Variants in DLEU7 observed in about 807,000 individuals in gnomAD.
The protein encoded by DLEU7 is leukemia-associated protein 7.
In DLEU7, 17 loss-of-function variants were observed where a neutral mutation model predicts 16.0. That is an observed-to-expected ratio of 1.06 (90% CI 0.73 to 1.59). The LOEUF (loss-of-function observed/expected upper bound fraction) is 1.59. Ranked by LOEUF, DLEU7 falls within the 40% of genes most tolerant of loss-of-function variation. The probability of loss-of-function intolerance (pLI) is 0.00; values close to 1 mark genes in which losing one functional copy is unlikely to be tolerated. For synonymous variants in DLEU7, 113 were observed against 139.8 expected (o/e 0.81, Z 1.35); for missense variants, 308 against 314.9 (o/e 0.98, Z 0.17).
rs377342354 is a variant in DLEU7 at position 50,724,499 on chromosome 13, G to A, written c.460-11259C>T. Among the ~76,000 whole-genome samples, 12 of 151,888 alleles carry A rather than the reference G, an allele frequency of 7.9e-5. No individual in the cohort carries two copies. In the East Asian group the frequency reaches 2.3e-3, roughly 29 times the overall value. ...ACAGCTCCTCTTCCTCTTTTCCTACGGATGAAATCTGGCAGGCAAAAAAAA... is the reference window on the plus strand; with the variant it reads ...ACAGCTCCTCTTCCTCTTTTCCTACAGATGAAATCTGGCAGGCAAAAAAAA... On this transcript the variant is annotated intron_variant, in intron 1 of 1. Transcript: ENST00000400393.
intron 1 of DLEU7, among the ~76,000 whole-genome samples, chr13:50,788,135 G>A (rs747105321): frequency 1.4e-4 from 22 of 152,270 alleles, no homozygotes; most frequent in African/African-American, 3.4e-4. Context: ...ACCGGACCTC[G>A]CATTTCTCAG....
upstream of DLEU7, chr13:50,843,779 G>T: frequency 8.1e-7 from 1 of 1,237,162 alleles, no homozygotes; most frequent in Non-Finnish European, 1.1e-6. This position sits in a 1 kb window ranked among gnomAD's most constrained non-coding sequence, Gnocchi z 5.7. Flanking sequence ...AGCGTGTGTG[G>T]TCGGCCCCGC....
At chr13:50,711,470 A>G (rs1873282249), downstream of DLEU7, 2 of 152,206 alleles carry the variant, frequency 1.3e-5, no homozygotes, top group Admixed American at 6.5e-5. Flanking sequence ...TCCTTTCCAT[A>G]AGAAAATGAA....
At chr13:50,821,634 A>G (rs984404350), downstream of DLEU7, among the ~76,000 whole-genome samples, 1 of 152,126 alleles carries the variant, frequency 6.6e-6, no homozygotes, top group Non-Finnish European at 1.5e-5. Context: ...AAGGATGAAT[A>G]GGATTTTTGT....
intron 1 of DLEU7, among the ~76,000 whole-genome samples, chr13:50,799,086 G>A (rs1876178742): frequency 6.6e-6 from 1 of 152,162 alleles, no homozygotes; most frequent in Non-Finnish European, 1.5e-5. Flanking sequence ...CCTATTCTCT[G>A]CTTTTGATTA....
At chr13:50,748,382 T>C (rs1874464319) in intron 1 of DLEU7, among the ~76,000 whole-genome samples, 1 of 152,078 alleles carries the variant, frequency 6.6e-6, no homozygotes, top group Non-Finnish European at 1.5e-5. Context: ...ATTGGTAAAT[T>C]ATACTTTTAA....
Position 50,843,436 on chromosome 13 carries a change from C to T in DLEU7, c.211G>A (p.Gly71Ser), listed in dbSNP as rs928204269. Residue 71 changes from glycine (G) to serine (S), a missense_variant, in exon 1 of 2, where the codon GGC becomes AGC. By Grantham distance (56) the Gly-to-Ser change is moderately conservative (BLOSUM62 0). Coordinates refer to ENST00000504404, the MANE Select transcript of DLEU7 (RefSeq NM_001306135.2). The surrounding 1 kb of genome is among the most constrained non-coding windows in gnomAD (Gnocchi z 5.7). ...GTCCGCCGACTCCTGGTCCCCACGC[C>T]CCCGCCCCGCTCCTCGCGCCCGGGC... Reference protein sequence around the residue: ...PGPGREERGGGVGTRSRRTAA... With the variant: ...PGPGREERGGSVGTRSRRTAA... 12 of 1,327,944 alleles carry T rather than the reference C, an allele frequency of 9.0e-6. No individual in the cohort carries two copies. The Admixed American group carries it at 2.1e-4, about 23-fold the overall frequency. 82.3% of individuals were successfully genotyped at this position (1,327,944 alleles called of 1,614,324 possible).
chr13:50,762,656 C>A (rs143219601), intron 1 of DLEU7, among the ~76,000 whole-genome samples: 1 of 152,040 alleles, frequency 6.6e-6, no homozygotes, highest in Non-Finnish European at 1.5e-5. Context: ...ATCTTGAAGG[C>A]GGGGATTAAA....
downstream of DLEU7, among the ~76,000 whole-genome samples, chr13:50,820,792 T>C (rs1238157070): frequency 6.6e-6 from 1 of 152,172 alleles, no homozygotes; most frequent in Non-Finnish European, 1.5e-5. Flanking sequence ...CTAGTACCCA[T>C]ATTGAAAACA....
intron 1 of DLEU7, among the ~76,000 whole-genome samples, chr13:50,784,528 A>G (rs950345682): frequency 5.3e-5 from 8 of 152,228 alleles, no homozygotes; most frequent in Non-Finnish European, 8.8e-5. Flanking sequence ...TTGTGCCCCC[A>G]GATAATGGAC....
intron 1 of DLEU7, among the ~76,000 whole-genome samples, chr13:50,827,785 A>C (rs560565684): frequency 1.2e-4 from 18 of 152,214 alleles, no homozygotes; most frequent in Admixed American, 8.5e-4. Context: ...GAAAGCACTA[A>C]AAAAGATAGT....
At chr13:50,818,788 G>A (rs554137275), downstream of DLEU7, among the ~76,000 whole-genome samples, 12 of 152,230 alleles carry the variant, frequency 7.9e-5, no homozygotes, top group African/African-American at 2.9e-4. Context: ...AGCATTCCCT[G>A]ACTGTGGGCC....
intron 1 of DLEU7, among the ~76,000 whole-genome samples, chr13:50,788,494 C>T (rs1403740140): frequency 6.6e-6 from 1 of 152,178 alleles, no homozygotes; most frequent in Admixed American, 6.5e-5. Flanking sequence ...ACCTCATTGT[C>T]GAGGACACTC....
chr13:50,789,163 G>A (rs1179980816), intron 1 of DLEU7, among the ~76,000 whole-genome samples: 6 of 151,566 alleles, frequency 4.0e-5, no homozygotes, highest in Non-Finnish European at 7.4e-5. Context: ...CGGTGTGTGC[G>A]GAGTGTGGAC....
chr13:50,712,902 CAG>C, exon 2 of DLEU7: 1 of 324,256 alleles, frequency 3.1e-6, no homozygotes, highest in East Asian at 5.3e-5. Flanking sequence ...GAAGAGCAAA[CAG>C]GGGTAGGGAA....
rs1360736345 is a variant in DLEU7, at chr13:50,843,405, G to A, written c.242C>T (p.Ala81Val). 12 of 1,315,204 alleles carry A rather than the reference G, an allele frequency of 9.1e-6. No homozygotes were observed. The highest frequency in any genetic ancestry group is 2.9e-6 in the Non-Finnish European group (3 of 1,036,220). 81.5% of individuals were successfully genotyped at this position (1,315,204 alleles called of 1,614,324 possible). Residue 81 changes from alanine (A) to valine (V), a missense_variant, in exon 1 of 2, where the codon GCG (alanine) becomes GTG (valine). Ala to Val is a moderately conservative substitution (Grantham distance 64). Transcript: ENST00000504404. This position sits in a 1 kb window ranked among gnomAD's most constrained non-coding sequence, Gnocchi z 5.7. The part of the protein sequence containing the change: ...GVGTRSRRTA[A>V]RANSPEEEVV... ...CTCCTCCTCTGGGGAGTTCGCCCGC[G>A]CCGCGGTCCGCCGACTCCTGGTCCC...
intron 1 of DLEU7, among the ~76,000 whole-genome samples, chr13:50,808,977 G>A (rs544749378): frequency 2.6e-5 from 4 of 151,876 alleles, no homozygotes; most frequent in African/African-American, 9.7e-5. Flanking sequence ...AAATAAGAAG[G>A]TACTTAAGCA....
At chr13:50,716,233 A>G (rs999065394) in intron 1 of DLEU7, among the ~76,000 whole-genome samples, 11 of 152,236 alleles carry the variant, frequency 7.2e-5, no homozygotes, top group Non-Finnish European at 1.5e-4. Flanking sequence ...AGCAATGTGT[A>G]GGTTCTGATC....
intron 1 of DLEU7, among the ~76,000 whole-genome samples, chr13:50,773,729 C>G (rs1875400373): frequency 6.6e-6 from 1 of 152,198 alleles, no homozygotes; most frequent in Non-Finnish European, 1.5e-5. Flanking sequence ...ACATGGGGGT[C>G]AGGGACCCAC....
Sources: allele counts gnomAD v4.1 joint callset (sites outside exome capture counted in the v4.1 genomes callset), GRCh38; gene constraint gnomAD v4.1.1; non-coding constraint Gnocchi (gnomAD v3.1); transcripts MANE v1.5; gene names NCBI Gene and HGNC (gene_info 2026-07-23, HGNC 2026-07-21).